ENOX1: variants seen among roughly 807,000 people sequenced by gnomAD.
The protein encoded by ENOX1 is ecto-NOX disulfide-thiol exchanger 1, also known as candidate growth-related and time keeping constitutive hydroquinone (NADH) oxidase.
In ENOX1, 42 loss-of-function variants were observed where a neutral mutation model predicts 82.5. The ratio of observed to expected loss-of-function variants is 0.51; its 90% CI spans 0.40 to 0.66. The LOEUF (loss-of-function observed/expected upper bound fraction) is 0.66, where lower values mean the gene tolerates loss of function less well. ENOX1 is among the 30% of genes least tolerant of loss of function. ENOX1 has a pLI of 0.00. For missense variants in ENOX1, 608 were observed against 811.6 expected (o/e 0.75, Z 3.05); for synonymous variants, 271 against 282.2 (o/e 0.96, Z 0.40).
At chr13:43,711,998 T>C (rs1312642496) in intron 1 of ENOX1, among the ~76,000 whole-genome samples, 9 of 150,010 alleles carry the variant, frequency 6.0e-5, no homozygotes, top group African/African-American at 9.8e-5. Context: ...TCCTTGCCCA[T>C]GCCTATGTCC....
intron 1 of ENOX1, among the ~76,000 whole-genome samples, chr13:43,723,393 T>C (rs2088707614): frequency 6.6e-6 from 1 of 152,136 alleles, no homozygotes; most frequent in South Asian, 2.1e-4. Context: ...ATTTCCATTG[T>C]CAAAAAAATT....
intron 1 of ENOX1, among the ~76,000 whole-genome samples, chr13:43,692,769 C>T: frequency 6.6e-6 from 1 of 152,090 alleles, no homozygotes; most frequent in East Asian, 1.9e-4. Flanking sequence ...AAAAAATACT[C>T]TGAGTTATTG....
intron 1 of ENOX1, among the ~76,000 whole-genome samples, chr13:43,727,227 A>G (rs753686769): frequency 7.9e-5 from 12 of 152,162 alleles, no homozygotes; most frequent in Non-Finnish European, 1.8e-4. Context: ...TTTTAAAACC[A>G]TCCTGCAGCT....
intron 3 of ENOX1, among the ~76,000 whole-genome samples, chr13:43,448,706 T>A (rs982665685): frequency 2.6e-5 from 4 of 152,138 alleles, no homozygotes; most frequent in Non-Finnish European, 5.9e-5. Context: ...CATTTTCAGT[T>A]CAGTAAGTGA....
chr13:43,376,537 T>TC (rs1175524669), intron 5 of ENOX1, among the ~76,000 whole-genome samples: 1 of 152,152 alleles, frequency 6.6e-6, no homozygotes, highest in Non-Finnish European at 1.5e-5. Context: ...ACAGGAACTT[T>TC]CAGAGTAAAT....
intron 13 of ENOX1, among the ~76,000 whole-genome samples, chr13:43,266,848 G>A (rs1486648945): frequency 6.6e-6 from 1 of 152,178 alleles, no homozygotes; most frequent in Non-Finnish European, 1.5e-5. Flanking sequence ...ATGAGTTCGA[G>A]TGGGGTTAGC....
intron 5 of ENOX1, among the ~76,000 whole-genome samples, chr13:43,365,896 G>C (rs1404939221): frequency 6.6e-6 from 1 of 152,224 alleles, no homozygotes; most frequent in Non-Finnish European, 1.5e-5. Context: ...CCCAGGACTT[G>C]TGCAGGGCAC....
chr13:43,300,878 A>AAATTT (rs1429804691), intron 11 of ENOX1, among the ~76,000 whole-genome samples: 2,477 of 152,284 alleles, frequency 0.016, 52 homozygotes, highest in African/African-American at 0.055. Flanking sequence ...TCAGAGACCT[A>AAATTT]CTCATAAAAT....
intron 5 of ENOX1, among the ~76,000 whole-genome samples, chr13:43,396,269 C>A (rs566697535): frequency 6.6e-6 from 1 of 152,312 alleles, no homozygotes; most frequent in South Asian, 2.1e-4. Context: ...TACAATGATT[C>A]TCCTGCATCA....
chr13:43,478,144 A>C (rs1405763276), intron 3 of ENOX1, among the ~76,000 whole-genome samples: 1 of 149,128 alleles, frequency 6.7e-6, no homozygotes, highest in Non-Finnish European at 1.5e-5. Flanking sequence ...AGAGTCACTT[A>C]AGATATATTA....
At chr13:43,491,111 C>G (rs987623506) in intron 2 of ENOX1, among the ~76,000 whole-genome samples, 1 of 152,152 alleles carries the variant, frequency 6.6e-6, no homozygotes, top group Non-Finnish European at 1.5e-5. Context: ...AAGAAGCTTA[C>G]TATCATGGTG....
chr13:43,506,224 C>T (rs2077156354), intron 2 of ENOX1, among the ~76,000 whole-genome samples: 1 of 151,884 alleles, frequency 6.6e-6, no homozygotes, highest in Admixed American at 6.6e-5. Context: ...AGCCAAAAAA[C>T]ACCTGAAAAA....
intron 2 of ENOX1, among the ~76,000 whole-genome samples, chr13:43,632,887 G>A (rs553302103): frequency 1.4e-4 from 22 of 152,098 alleles, no homozygotes; most frequent in Admixed American, 5.2e-4. Flanking sequence ...TTTATACCCT[G>A]CTAGCTGTAC....
At chr13:43,505,426 C>CT (rs1158161125) in intron 2 of ENOX1, among the ~76,000 whole-genome samples, 2 of 151,864 alleles carry the variant, frequency 1.3e-5, no homozygotes, top group Non-Finnish European at 2.9e-5. Flanking sequence ...AGATATCAGG[C>CT]TATAATCTCT....
rs544068443 is a variant in ENOX1, at chr13:43,628,831, C to T, written c.-219+38648G>A. 5.4e-4 allele frequency among the ~76,000 whole-genome samples: 82 copies of T among 152,300 alleles called. 1 individual carries two copies. Among genetic ancestry groups the T allele is most frequent in the African/African-American group, 1.8e-3 (76 of 41,574 alleles). On this transcript the variant is annotated intron_variant, in intron 2 of 16. Coordinates refer to ENST00000690772, the MANE Select transcript of ENOX1 (RefSeq NM_001347969.2). ...AGGTCCAGGTTCCCCACTTGGCCTT[C>T]GCTGACACCCAAGTGGGAATTTATT...
intron 2 of ENOX1, among the ~76,000 whole-genome samples, chr13:43,598,346 T>C (rs1271807967): frequency 6.6e-6 from 1 of 152,216 alleles, no homozygotes; most frequent in Non-Finnish European, 1.5e-5. Flanking sequence ...CCTTAGTGCT[T>C]GGCACATCAT....
At chr13:43,741,762 T>C (rs1949751927) in intron 1 of ENOX1, among the ~76,000 whole-genome samples, 2 of 152,238 alleles carry the variant, frequency 1.3e-5, no homozygotes, top group African/African-American at 2.4e-5. Flanking sequence ...ATTTATCTGT[T>C]TTTTGTTGCT....
chr13:43,233,195 A>C (rs528848593), intron 15 of ENOX1, among the ~76,000 whole-genome samples: 1 of 152,216 alleles, frequency 6.6e-6, no homozygotes, highest in Admixed American at 6.5e-5. Context: ...CCCCCATAAA[A>C]ACAGAATTCT....
intron 1 of ENOX1, among the ~76,000 whole-genome samples, chr13:43,755,777 A>G (rs547980125): frequency 6.6e-6 from 1 of 152,328 alleles, no homozygotes; most frequent in East Asian, 1.9e-4. Context: ...TAAAATGGCA[A>G]GAATACATGT....
Sources: gnomAD v4.1 joint callset for allele counts (sites outside exome capture counted in the v4.1 genomes callset) on GRCh38, gnomAD v4.1.1 for gene constraint, MANE v1.5 for transcripts, NCBI Gene and HGNC (gene_info 2026-07-23, HGNC 2026-07-21) for gene names.